The following ZNF140 variants were observed in gnomAD, a reference collection of about 807,000 sequenced individuals.
ZNF140 encodes the protein zinc finger protein 140 (clone pHZ-39).
ZNF140 carries 13 observed loss-of-function variants against 12.9 expected under a neutral mutation model. The ratio of observed to expected loss-of-function variants is 1.01; its 90% confidence interval spans 0.66 to 1.60. The LOEUF is 1.60. ZNF140 is among the 40% of genes most tolerant of loss of function. ZNF140 has a pLI of 0.00. For missense variants in ZNF140, 531 were observed against 548.8 expected, an observed-to-expected ratio of 0.97 and a Z score of 0.32; for synonymous variants, 214 against 186.7, an observed-to-expected ratio of 1.15 and a Z score of -1.19.
At chr12:133,102,605 C>T (rs977304173) in intron 4 of ZNF140, among the ~76,000 whole-genome samples, 8 of 151,966 alleles carry the variant, frequency 5.3e-5, no homozygotes, top group African/African-American at 1.9e-4. Context: ...AACCATTAGC[C>T]AGGCGTGGCA....
intron 4 of ZNF140, among the ~76,000 whole-genome samples, chr12:133,101,850 A>G (rs374510816): frequency 0.018 from 2,720 of 152,292 alleles, 48 homozygotes; most frequent in Middle Eastern, 0.031. Context: ...ACTTTTTCCC[A>G]GTAAAACTGT....
At chr12:133,082,575 CCTT>C (rs1954539202) in intron 2 of ZNF140, 1 of 154,626 alleles carries the variant, frequency 6.5e-6, no homozygotes, top group African/African-American at 2.4e-5. Context: ...TGCTTATCCT[CCTT>C]GTTCTGTGAC....
intron 4 of ZNF140, among the ~76,000 whole-genome samples, chr12:133,095,951 T>C (rs1215887230): frequency 1.3e-5 from 2 of 151,520 alleles, no homozygotes; most frequent in Non-Finnish European, 3.0e-5. Context: ...ACCGAGACAT[T>C]CAGTTCCCAG....
In ZNF140 at chr12:133,097,818, C is replaced by CGTGTGTGTGT. The variant is rs1377287336; in HGVS notation, c.233-7692_233-7691insGTGTGTGTGT. On this transcript the variant is annotated intron_variant, in intron 4 of 4. Transcript: ENST00000355557. Reference sequence around the variant, plus strand: ...ATATGCATGAGGCACCACATCTAACCATGTGTGTGTGTGTGTGTGTGTGTG... The same window carrying CGTGTGTGTGT: ...ATATGCATGAGGCACCACATCTAACCGTGTGTGTGTATGTGTGTGTGTGTGTGTGTGTGTG... 2.6e-3 allele frequency among the ~76,000 whole-genome samples: 277 copies of CGTGTGTGTGT among 106,578 alleles called. 2 individuals are homozygous for CGTGTGTGTGT. Among genetic ancestry groups the CGTGTGTGTGT allele is most frequent in the African/African-American group, 9.2e-3 (239 of 26,120 alleles). The allele number at this position is 106,578 out of a possible 152,430, so 69.9% of individuals were successfully genotyped here.
At chr12:133,091,462 G>A (rs376710797) in intron 4 of ZNF140, among the ~76,000 whole-genome samples, 1 of 151,166 alleles carries the variant, frequency 6.6e-6, no homozygotes, top group Non-Finnish European at 1.5e-5. Flanking sequence ...TTAAAGTACA[G>A]GTCTTTTTCA....
intron 4 of ZNF140, among the ~76,000 whole-genome samples, chr12:133,097,166 T>C (rs1955159198): frequency 6.6e-6 from 1 of 152,254 alleles, no homozygotes; most frequent in Non-Finnish European, 1.5e-5. Flanking sequence ...TAGCTACGTC[T>C]CTTTCTTTTG....
chr12:133,101,160 T>TA (rs1955332135), intron 4 of ZNF140: 1 of 253,626 alleles, frequency 3.9e-6, no homozygotes, highest in Admixed American at 4.9e-5. Context: ...AGAGGGCACT[T>TA]ACCTTGCTTG....
At chr12:133,101,583 T>A (rs1955351051) in intron 4 of ZNF140, among the ~76,000 whole-genome samples, 1 of 152,164 alleles carries the variant, frequency 6.6e-6, no homozygotes, top group African/African-American at 2.4e-5. Context: ...TAGCTGGGAC[T>A]ACAGGCAGTC....
intron 4 of ZNF140, among the ~76,000 whole-genome samples, chr12:133,103,371 A>G (rs1955432226): frequency 6.6e-6 from 1 of 152,008 alleles, no homozygotes; most frequent in African/African-American, 2.4e-5. Context: ...CAGTCCTTCC[A>G]GGTCACTCTG....
intron 4 of ZNF140, among the ~76,000 whole-genome samples, chr12:133,105,159 T>C (rs1387469544): frequency 1.3e-5 from 2 of 152,212 alleles, no homozygotes; most frequent in African/African-American, 4.8e-5. Context: ...TAGTGTTTAG[T>C]AGCAGCATTA....
intron 4 of ZNF140, among the ~76,000 whole-genome samples, chr12:133,090,808 A>G (rs371163749): frequency 2.5e-4 from 33 of 133,612 alleles, no homozygotes; most frequent in East Asian, 9.8e-4. Context: ...GAGCAAAAGA[A>G]TCTATATCAT....
At chr12:133,089,518 T>G (rs1228595484) in intron 4 of ZNF140, among the ~76,000 whole-genome samples, 3 of 152,154 alleles carry the variant, frequency 2.0e-5, no homozygotes, top group African/African-American at 7.2e-5. Flanking sequence ...GCAGCCTCAT[T>G]TGATTTCTTT....
intron 4 of ZNF140, among the ~76,000 whole-genome samples, chr12:133,097,278 CTTGTT>C (rs1201102410): frequency 6.6e-6 from 1 of 152,128 alleles, no homozygotes; most frequent in Non-Finnish European, 1.5e-5. Context: ...ATAGTTGGGT[CTTGTT>C]TTGTGATGCA....
chr12:133,098,797 C>T (rs1012102323), intron 4 of ZNF140, among the ~76,000 whole-genome samples: 14 of 151,278 alleles, frequency 9.3e-5, no homozygotes, highest in Admixed American at 2.6e-4. Context: ...CTCTGCCTCC[C>T]GGGTCCAAGC....
chr12:133,101,009 A>G (rs932022223), intron 4 of ZNF140: 22 of 454,850 alleles, frequency 4.8e-5, no homozygotes, highest in Non-Finnish European at 9.3e-5. Flanking sequence ...GTGAAAAACT[A>G]CAGAGGAGAG....
At chr12:133,095,790 C>G (rs990672287) in intron 4 of ZNF140, among the ~76,000 whole-genome samples, 3 of 151,912 alleles carry the variant, frequency 2.0e-5, no homozygotes, top group African/African-American at 4.8e-5. Context: ...CCTGGATGTG[C>G]ACGTAATCCA....
chr12:133,104,080 CAAT>C (rs1283706368), intron 4 of ZNF140, among the ~76,000 whole-genome samples: 13 of 152,232 alleles, frequency 8.5e-5, no homozygotes, highest in African/African-American at 3.1e-4. Flanking sequence ...ACTGTGAGAG[CAAT>C]AACAGATAAC....
rs201564275 is a variant in ZNF140 at position 133,106,333 on chromosome 12, T to C, written c.1056T>C (p.Ala352=). The C allele has an allele frequency of 6.8e-6, 11 of 1,614,210 alleles. No homozygotes were observed. Among genetic ancestry groups the C allele is most frequent in the South Asian group, 1.1e-5 (1 of 91,082 alleles). The change falls in exon 5 of 5, where the codon GCT becomes GCC. Residue 352 remains alanine (A), a synonymous_variant. Coordinates refer to ENST00000355557, the MANE Select transcript of ZNF140 (RefSeq NM_003440.4). ...SFLIKHQRIH[A]GEKLYECDEC... ...TTATTAAACATCAGAGAATTCATGCTGGAGAAAAGCTCTATGAATGTGATG... is the reference window on the plus strand; with the variant it reads ...TTATTAAACATCAGAGAATTCATGCCGGAGAAAAGCTCTATGAATGTGATG...
At chr12:133,098,295 G>A (rs936950795) in intron 4 of ZNF140, among the ~76,000 whole-genome samples, 2 of 152,110 alleles carry the variant, frequency 1.3e-5, no homozygotes, top group Non-Finnish European at 2.9e-5. Context: ...GGAATGCAGT[G>A]GCATGATCTC....
Sources: gnomAD v4.1 joint callset for allele counts (sites outside exome capture counted in the v4.1 genomes callset) on GRCh38, gnomAD v4.1.1 for gene constraint, MANE v1.5 for transcripts, NCBI Gene and HGNC (gene_info 2026-07-23, HGNC 2026-07-21) for gene names.